Variants in AFP observed in about 807,000 individuals in gnomAD.
AFP encodes the protein alpha-fetoprotein.
Under a neutral mutation model 78.9 loss-of-function variants are expected in AFP, and 64 were observed. The ratio of observed to expected loss-of-function variants is 0.81; its 90% CI spans 0.66 to 1.00. The LOEUF (loss-of-function observed/expected upper bound fraction) is 1.00. AFP is among the 50% of genes least tolerant of loss of function. AFP has a pLI of 0.00. For missense variants in AFP, 689 were observed against 703.8 expected, an observed-to-expected ratio of 0.98 and a Z score of 0.24; for synonymous variants, 254 against 243.8, an observed-to-expected ratio of 1.04 and a Z score of -0.39.
Position 73,450,110 on chromosome 4 carries a change from A to G in AFP, c.1266A>G (p.Leu422=). ...GAAGCTGCGGCCTCTTCCAGAAACT[A>G]GGAGAATATTACTTACAAAATGCGT... ...AKRSCGLFQK[L]GEYYLQNAFL... is the part of the protein sequence containing the mutation. Residue 422 remains leucine (L), a synonymous_variant, in exon 10 of 15, where the codon CTA becomes CTG. Coordinates refer to ENST00000395792, the MANE Select transcript of AFP (RefSeq NM_001134.3). 6.2e-7 allele frequency: 1 copy of G among 1,612,924 alleles called. No homozygotes were observed. The highest frequency in any genetic ancestry group is 1.1e-5 in the South Asian group (1 of 91,010).
At chr4:73,451,087 G>A (rs1449312554) in intron 11 of AFP, among the ~76,000 whole-genome samples, 1 of 152,022 alleles carries the variant, frequency 6.6e-6, no homozygotes, top group African/African-American at 2.4e-5. Flanking sequence ...CATAATTTCT[G>A]CTTTTTGTTC....
chr4:73,448,870 C>CT (rs1211271361), intron 8 of AFP, among the ~76,000 whole-genome samples: 1 of 152,080 alleles, frequency 6.6e-6, no homozygotes, highest in Non-Finnish European at 1.5e-5. Context: ...GGGTATCATC[C>CT]TTTTTTCTCT....
intron 5 of AFP, among the ~76,000 whole-genome samples, chr4:73,442,777 C>T (rs1719707655): frequency 6.8e-6 from 1 of 147,162 alleles, no homozygotes; most frequent in African/African-American, 2.5e-5. Flanking sequence ...AAATGAAGAA[C>T]TATGATAAAT....
In AFP at chr4:73,450,694, A is replaced by G. The variant is rs1577958587; in HGVS notation, c.1369A>G (p.Thr457Ala). The change falls in exon 11 of 15, where the codon ACA becomes GCA. Residue 457 changes from threonine (T) to alanine (A), a missense_variant. Coordinates refer to ENST00000395792, the MANE Select transcript of AFP (RefSeq NM_001134.3). ...GGCCATCACCAGAAAAATGGCAGCC[A>G]CAGCAGCCACTTGTTGCCAACTCAG... is the stretch of plus-strand genomic sequence containing the variant. ...LMAITRKMAA[T>A]AATCCQLSED... 1 of 1,614,008 alleles carries G rather than the reference A, an allele frequency of 6.2e-7. No individual in the cohort carries two copies. The highest frequency in any genetic ancestry group is 8.5e-7 in the Non-Finnish European group (1 of 1,180,004).
chr4:73,443,786 T>C (rs1402207160), intron 6 of AFP, among the ~76,000 whole-genome samples: 1 of 152,208 alleles, frequency 6.6e-6, no homozygotes, highest in African/African-American at 2.4e-5. Flanking sequence ...ACAAAATAAG[T>C]CAGCCTTCAC....
Position 73,445,122 on chromosome 4 carries a change from G to A in AFP, c.843G>A (p.Gly281=). Reference sequence around the variant, plus strand: ...ATGTGCTGGATTGTCTGCAGGATGGGGTGAAGAGTCTTGCTTCTTAAAATA... The same window carrying A: ...ATGTGCTGGATTGTCTGCAGGATGGAGTGAAGAGTCTTGCTTCTTAAAATA... ...RGDVLDCLQD[G]EKIMSYICSQ... Residue 281 remains glycine, a splice_region_variant and synonymous_variant, in exon 7 of 15, where the codon GGG becomes GGA. Coordinates refer to ENST00000395792, the MANE Select transcript of AFP (RefSeq NM_001134.3). 1 of 1,613,754 alleles carries A rather than the reference G, an allele frequency of 6.2e-7. No individual in the cohort carries two copies. The highest frequency in any genetic ancestry group is 8.5e-7 in the Non-Finnish European group (1 of 1,179,824).
intron 7 of AFP, among the ~76,000 whole-genome samples, chr4:73,446,227 G>T (rs1719820577): frequency 6.6e-6 from 1 of 152,146 alleles, no homozygotes; most frequent in South Asian, 2.1e-4. Context: ...TAAAAATATG[G>T]CATACTAGGA....
chr4:73,449,941 G>T, intron 9 of AFP, 95 bp from the exon 10 acceptor site: 1 of 765,602 alleles, frequency 1.3e-6, no homozygotes, highest in Non-Finnish European at 2.1e-6. Flanking sequence ...ATCTCTGATT[G>T]GTTTTATAAT....
chr4:73,444,086 G>C (rs1448287572), intron 6 of AFP, among the ~76,000 whole-genome samples: 1 of 152,006 alleles, frequency 6.6e-6, no homozygotes, highest in African/African-American at 2.4e-5. Flanking sequence ...ATTGCTGTTT[G>C]GTTAAATAAC....
At position 73,447,523 on chromosome 4, in the gene AFP, G is replaced by A; in HGVS notation, c.905G>A (p.Cys302Tyr). 6.2e-7 allele frequency: 1 copy of A among 1,612,702 alleles called. No individual in the cohort carries two copies. The highest frequency in any genetic ancestry group is 8.5e-7 in the Non-Finnish European group (1 of 1,179,590). ...QDTLSNKITECCKLTTLERGQ... is the reference protein window; with the variant it reads ...QDTLSNKITEYCKLTTLERGQ... ...ACTCTGTCAAACAAAATAACAGAAT[G>A]CTGCAAACTGACCACGCTGGAACGT... Residue 302 changes from cysteine to tyrosine, a missense_variant, in exon 8 of 15, where the codon TGC becomes TAC. Physicochemically the swap from Cys to Tyr is radical, Grantham distance 194. Transcript: ENST00000395792.
chr4:73,437,080 A>G, intron 1 of AFP, 80 bp from the exon 2 acceptor site: 1 of 1,086,674 alleles, frequency 9.2e-7, no homozygotes. Flanking sequence ...TAACTGAAAC[A>G]CAAACATTCA....
At chr4:73,440,868 C>A in intron 4 of AFP, 55 bp downstream of exon 4, 1 of 1,504,442 alleles carries the variant, frequency 6.6e-7, no homozygotes, top group Non-Finnish European at 9.1e-7. Flanking sequence ...CAATGGCAAG[C>A]CTAATTTAGT....
chr4:73,436,661 T>A (rs1719514538), intron 1 of AFP, among the ~76,000 whole-genome samples: 2 of 151,596 alleles, frequency 1.3e-5, no homozygotes. Context: ...TGAATATAAA[T>A]AAAATTTTAT....
At chr4:73,443,662 T>C (rs1719740304) in intron 6 of AFP, among the ~76,000 whole-genome samples, 1 of 152,134 alleles carries the variant, frequency 6.6e-6, no homozygotes. Context: ...GCTGAGATAA[T>C]ACATAGAAAA....
At chr4:73,453,696 AG>A (rs1720076616) in intron 12 of AFP, 68 bp from the exon 13 acceptor site, 2 of 1,569,888 alleles carry the variant, frequency 1.3e-6, no homozygotes, top group Non-Finnish European at 1.7e-6. Context: ...ATTCTCTACT[AG>A]GAAGGCTGTA....
intron 12 of AFP, among the ~76,000 whole-genome samples, chr4:73,452,860 G>A (rs992332406): frequency 6.6e-6 from 1 of 152,194 alleles, no homozygotes; most frequent in Non-Finnish European, 1.5e-5. Context: ...AATCTCTGTT[G>A]TAACTGTTAT....
At chr4:73,441,355 A>C (rs1440856578) in intron 4 of AFP, among the ~76,000 whole-genome samples, 6 of 151,850 alleles carry the variant, frequency 4.0e-5, no homozygotes, top group Non-Finnish European at 8.8e-5. Context: ...TCACGAGGTC[A>C]GGAGATCGAG....
chr4:73,454,438 T>G (rs1720101808), intron 13 of AFP, among the ~76,000 whole-genome samples: 1 of 152,132 alleles, frequency 6.6e-6, no homozygotes, highest in South Asian at 2.1e-4. Flanking sequence ...AAATTACCTT[T>G]TTTCAGCTTT....
chr4:73,453,230 A>G (rs900682547), intron 12 of AFP, among the ~76,000 whole-genome samples: 1 of 152,012 alleles, frequency 6.6e-6, no homozygotes, highest in Non-Finnish European at 1.5e-5. Context: ...TTCCTCTATC[A>G]CAGTCTGAGG....
Sources: allele counts gnomAD v4.1 joint callset (sites outside exome capture counted in the v4.1 genomes callset), GRCh38; gene constraint gnomAD v4.1.1; transcripts MANE v1.5; gene names NCBI Gene and HGNC (gene_info 2026-07-23, HGNC 2026-07-21).